Variants in KAZN observed in about 807,000 individuals in gnomAD.
The protein encoded by KAZN is kazrin.
KAZN carries 40 observed loss-of-function variants against 87.4 expected under a neutral mutation model. The ratio of observed to expected loss-of-function variants is 0.46; its 90% confidence interval spans 0.36 to 0.60. The LOEUF (loss-of-function observed/expected upper bound fraction) is 0.60. Among genes scored for constraint, KAZN ranks in the 20% least tolerant of loss-of-function variants. The pLI is 0.00. For missense variants in KAZN, 898 were observed against 1,073.9 expected, an observed-to-expected ratio of 0.84 and a Z score of 2.29; for synonymous variants, 466 against 458.3, an observed-to-expected ratio of 1.02 and a Z score of -0.22.
At chr1:14,997,245 A>AG (rs1667987592) in intron 2 of KAZN, among the ~76,000 whole-genome samples, 2 of 140,300 alleles carry the variant, frequency 1.4e-5, no homozygotes, top group South Asian at 2.3e-4. Flanking sequence ...TTATTTATTT[A>AG]TTTATTTATT....
At chr1:14,019,768 C>T (rs1640737297) in intron 1 of KAZN, among the ~76,000 whole-genome samples, 1 of 152,116 alleles carries the variant, frequency 6.6e-6, no homozygotes, top group Non-Finnish European at 1.5e-5. Flanking sequence ...AGTGTTGTGT[C>T]CCCAGGCTAT....
chr1:14,592,597 C>A (rs1324023527), intron 2 of KAZN, among the ~76,000 whole-genome samples: 1 of 152,310 alleles, frequency 6.6e-6, no homozygotes, highest in East Asian at 1.9e-4. Flanking sequence ...TCGGGAAACA[C>A]TGAAGACCAG....
At chr1:14,600,066 A>G (rs1676833979) in intron 1 of KAZN, among the ~76,000 whole-genome samples, 4 of 151,542 alleles carry the variant, frequency 2.6e-5, no homozygotes, top group African/African-American at 7.3e-5. Context: ...GGTTTCTGTG[A>G]CTTAGAAAGT....
intron 4 of KAZN, among the ~76,000 whole-genome samples, chr1:15,054,662 AAAAG>A (rs1429752861): frequency 7.9e-5 from 12 of 151,144 alleles, no homozygotes; most frequent in Non-Finnish European, 1.3e-4. Context: ...AAAAAAAAAA[AAAAG>A]AAGAAGAAGA....
At chr1:14,066,993 C>T (rs1035067377) in intron 1 of KAZN, among the ~76,000 whole-genome samples, 1 of 152,286 alleles carries the variant, frequency 6.6e-6, no homozygotes, top group South Asian at 2.1e-4. Context: ...TCCTTGACTA[C>T]CCTATCTCAA....
chr1:14,924,017 C>G lies in KAZN; in HGVS notation c.227-36667C>G, dbSNP rs531269337. ...AACGGGGCGACGCGGCGGCGCTCCCCGGGCACTGGGGCCAGTCTGGGCGCC... is the reference window on the plus strand; with the variant it reads ...AACGGGGCGACGCGGCGGCGCTCCCGGGGCACTGGGGCCAGTCTGGGCGCC... On this transcript the variant is annotated intron_variant, in intron 1 of 14. Transcript: ENST00000376030. 1.7e-3 allele frequency: 1,133 copies of G among 663,010 alleles called. 6 individuals carry two copies. Among genetic ancestry groups the G allele is most frequent in the Middle Eastern group, 0.017 (20 of 1,204 alleles). 41.1% of individuals were successfully genotyped at this position (663,010 alleles called of 1,614,324 possible). A position where few individuals can be genotyped will look rare whatever the true frequency, so the allele number is the denominator to read the frequency against.
At chr1:14,413,158 A>G (rs971939898) in intron 2 of KAZN, among the ~76,000 whole-genome samples, 46 of 151,468 alleles carry the variant, frequency 3.0e-4, no homozygotes, top group African/African-American at 1.1e-3. Flanking sequence ...TAGAGATTAG[A>G]TATCTATTAG....
chr1:13,937,069 T>G, intron 1 of KAZN, among the ~76,000 whole-genome samples: 1 of 147,698 alleles, frequency 6.8e-6, no homozygotes, highest in South Asian at 2.1e-4. Flanking sequence ...TTTTTTGAAA[T>G]GGAGTCTCAC....
At chr1:15,042,845 G>A (rs900376605) in intron 3 of KAZN, among the ~76,000 whole-genome samples, 2 of 152,198 alleles carry the variant, frequency 1.3e-5, no homozygotes, top group African/African-American at 2.4e-5. Context: ...CAGGCCACAC[G>A]GAGACCTTGG....
Position 14,937,972 on chromosome 1 carries a change from T to C in KAZN, c.227-22712T>C, listed in dbSNP as rs138655851. 2.1e-3 allele frequency among the ~76,000 whole-genome samples: 317 copies of C among 152,264 alleles called. 1 individual carries two copies. The highest frequency in any genetic ancestry group is 3.9e-3 in the Non-Finnish European group (262 of 68,006). Reference sequence around the variant, plus strand: ...CACCTTTGCCTTACTCTGTGCTTGGTGGTATTTAGGGCGTTTTAGCCTTCC... The same window carrying C: ...CACCTTTGCCTTACTCTGTGCTTGGCGGTATTTAGGGCGTTTTAGCCTTCC... On this transcript the variant is annotated intron_variant, in intron 1 of 14. Transcript: ENST00000376030.
chr1:14,623,830 G>T (rs892507836), intron 1 of KAZN, among the ~76,000 whole-genome samples: 1 of 151,266 alleles, frequency 6.6e-6, no homozygotes, highest in African/African-American at 2.4e-5. Context: ...TAAATATTTT[G>T]TGATTTTTTT....
At chr1:14,610,357 G>A (rs1677718180) in intron 1 of KAZN, among the ~76,000 whole-genome samples, 1 of 152,066 alleles carries the variant, frequency 6.6e-6, no homozygotes, top group African/African-American at 2.4e-5. Context: ...CGAGTGGCTG[G>A]GACTACAGGC....
intron 1 of KAZN, among the ~76,000 whole-genome samples, chr1:14,682,146 C>G (rs1640703795): frequency 6.6e-6 from 1 of 152,126 alleles, no homozygotes; most frequent in Non-Finnish European, 1.5e-5. Flanking sequence ...CTTCCAGGCC[C>G]TGGCATCCAC....
chr1:14,254,529 GT>G (rs1268979838), intron 2 of KAZN, among the ~76,000 whole-genome samples: 3 of 152,154 alleles, frequency 2.0e-5, no homozygotes, highest in African/African-American at 7.2e-5. Context: ...AAAGACTGAT[GT>G]AAAAGTGGCA....
At chr1:14,097,453 A>G (rs1644153365) in intron 1 of KAZN, among the ~76,000 whole-genome samples, 1 of 152,206 alleles carries the variant, frequency 6.6e-6, no homozygotes, top group Non-Finnish European at 1.5e-5. Flanking sequence ...GCCACACTGG[A>G]CCATAGAGTG....
intron 1 of KAZN, among the ~76,000 whole-genome samples, chr1:14,738,665 C>T (rs2100416287): frequency 6.6e-6 from 1 of 152,210 alleles, no homozygotes; most frequent in East Asian, 1.9e-4. Flanking sequence ...TAGAGCGTTA[C>T]TGAGGCCCCG....
chr1:14,592,086 G>A (rs1476707624), intron 2 of KAZN, among the ~76,000 whole-genome samples: 1 of 152,158 alleles, frequency 6.6e-6, no homozygotes, highest in Non-Finnish European at 1.5e-5. Context: ...CCTGTCTGGA[G>A]ATCTGTTGCC....
At chr1:14,340,751 C>T (rs1657622999) in intron 2 of KAZN, among the ~76,000 whole-genome samples, 1 of 152,100 alleles carries the variant, frequency 6.6e-6, no homozygotes, top group South Asian at 2.1e-4. Context: ...TTCCAGCATC[C>T]CTGATCTGTA....
chr1:14,259,530 A>G (rs929900704), intron 2 of KAZN, among the ~76,000 whole-genome samples: 1 of 152,048 alleles, frequency 6.6e-6, no homozygotes, highest in African/African-American at 2.4e-5. Context: ...TCACCCCCCA[A>G]GTGGCCTGGC....
Sources: allele counts gnomAD v4.1 joint callset (sites outside exome capture counted in the v4.1 genomes callset), GRCh38; gene constraint gnomAD v4.1.1; transcripts MANE v1.5; gene names NCBI Gene and HGNC (gene_info 2026-07-23, HGNC 2026-07-21).